Variants in FHIT observed in about 807,000 individuals in gnomAD.
The protein encoded by FHIT is fragile histidine triad diadenosine triphosphatase, also known as bis(5'-adenosyl)-triphosphatase.
FHIT carries 19 observed loss-of-function variants against 17.9 expected under a neutral mutation model. The ratio of observed to expected loss-of-function variants is 1.06; its 90% CI spans 0.74 to 1.56. The LOEUF is 1.56. Among genes scored for constraint, FHIT ranks in the 40% most tolerant of loss-of-function variants. The pLI, the probability that FHIT is intolerant of heterozygous loss-of-function variation, is 0.00. For synonymous variants in FHIT, 81 were observed against 69.7 expected, an observed-to-expected ratio of 1.16 and a Z score of -0.81; for missense variants, 248 against 189.2, an observed-to-expected ratio of 1.31 and a Z score of -1.82.
At chr3:60,557,644 G>C (rs1231637687) in intron 4 of FHIT, among the ~76,000 whole-genome samples, 1 of 151,692 alleles carries the variant, frequency 6.6e-6, no homozygotes, top group African/African-American at 2.4e-5. Context: ...TGACATCAGA[G>C]AAACAAAGTT....
chr3:60,879,667 A>G (rs1704863061), intron 3 of FHIT, among the ~76,000 whole-genome samples: 1 of 152,126 alleles, frequency 6.6e-6, no homozygotes, highest in Non-Finnish European at 1.5e-5. Flanking sequence ...ACAATTCAAC[A>G]AAATCAGAAA....
chr3:60,678,104 C>T (rs1553695895), intron 4 of FHIT, among the ~76,000 whole-genome samples: 2 of 152,140 alleles, frequency 1.3e-5, no homozygotes, highest in Non-Finnish European at 2.9e-5. Flanking sequence ...AAAAAACCAA[C>T]TTTTTGTTTA....
At chr3:60,232,985 A>G (rs547369636) in intron 5 of FHIT, among the ~76,000 whole-genome samples, 19 of 152,282 alleles carry the variant, frequency 1.2e-4, no homozygotes, top group Middle Eastern at 6.8e-3. Flanking sequence ...ATCTATGGTG[A>G]CAAATGACAG....
At chr3:61,064,187 T>C (rs983080135) in intron 2 of FHIT, among the ~76,000 whole-genome samples, 20 of 152,098 alleles carry the variant, frequency 1.3e-4, no homozygotes, top group Non-Finnish European at 2.2e-4. Flanking sequence ...TCGAAAGATA[T>C]CTGCTAAGAG....
chr3:60,411,915 A>T (rs1164942634), intron 5 of FHIT, among the ~76,000 whole-genome samples: 1 of 152,166 alleles, frequency 6.6e-6, no homozygotes, highest in Non-Finnish European at 1.5e-5. Context: ...CTTCTTAGAA[A>T]AGTTAAGTCA....
chr3:60,494,562 T>C (rs2034213503), intron 5 of FHIT, among the ~76,000 whole-genome samples: 2 of 152,096 alleles, frequency 1.3e-5, no homozygotes, highest in Non-Finnish European at 2.9e-5. Context: ...CTAGGTCTTA[T>C]TCATGTTTTC....
chr3:60,106,595 T>C lies in FHIT; in HGVS notation c.104-92443A>G, dbSNP rs573912417. ...TGGGGGTCTTTGATTGTATCCCCTGTGGATAAGGGGGTACTGTTGTATATC... is the reference window on the plus strand; with the variant it reads ...TGGGGGTCTTTGATTGTATCCCCTGCGGATAAGGGGGTACTGTTGTATATC... On this transcript the variant is annotated intron_variant, in intron 5 of 9. Coordinates refer to ENST00000492590, the MANE Select transcript of FHIT (RefSeq NM_002012.4). Among the ~76,000 whole-genome samples, 4 of 152,292 alleles carry C rather than the reference T, an allele frequency of 2.6e-5. No individual in the cohort carries two copies. The East Asian group carries it at 5.8e-4, about 22-fold the overall frequency.
chr3:60,664,051 G>C (rs1430193228), intron 4 of FHIT, among the ~76,000 whole-genome samples: 1 of 152,126 alleles, frequency 6.6e-6, no homozygotes, highest in African/African-American at 2.4e-5. Context: ...AAAGTCATGA[G>C]AGTGAACCTC....
At chr3:60,896,925 C>T (rs146953058) in intron 3 of FHIT, among the ~76,000 whole-genome samples, 199 of 152,256 alleles carry the variant, frequency 1.3e-3, no homozygotes, top group African/African-American at 4.4e-3. Context: ...ATGCTATTCC[C>T]ACCCTGTAGA....
At chr3:60,044,874 T>A (rs538306370) in intron 5 of FHIT, among the ~76,000 whole-genome samples, 1 of 152,156 alleles carries the variant, frequency 6.6e-6, no homozygotes, top group Non-Finnish European at 1.5e-5. Context: ...CCAAGCCCTG[T>A]GAGCACAATG....
chr3:59,912,443 C>T (rs1234871500), intron 8 of FHIT, among the ~76,000 whole-genome samples: 1 of 152,180 alleles, frequency 6.6e-6, no homozygotes, highest in Non-Finnish European at 1.5e-5. Flanking sequence ...ACCAGAGAAG[C>T]CAGCTGAAAT....
chr3:60,953,747 C>A (rs1319888405), intron 3 of FHIT, among the ~76,000 whole-genome samples: 1 of 152,148 alleles, frequency 6.6e-6, no homozygotes, highest in African/African-American at 2.4e-5. Flanking sequence ...ACAAACCAAA[C>A]TTAAAGTGTC....
intron 2 of FHIT, among the ~76,000 whole-genome samples, chr3:61,118,179 A>C (rs2036355655): frequency 6.6e-6 from 1 of 152,192 alleles, no homozygotes; most frequent in Non-Finnish European, 1.5e-5. Context: ...TTATTCAGAA[A>C]AGCTGAAGGC....
chr3:60,442,202 G>A (rs561135612), intron 5 of FHIT, among the ~76,000 whole-genome samples: 1 of 152,008 alleles, frequency 6.6e-6, no homozygotes, highest in South Asian at 2.1e-4. Flanking sequence ...TTTGAAAAGA[G>A]ATGTGATTTC....
At chr3:60,197,308 AAAAAG>A (rs1018963067) in intron 5 of FHIT, among the ~76,000 whole-genome samples, 3 of 152,186 alleles carry the variant, frequency 2.0e-5, no homozygotes, top group South Asian at 4.1e-4. Flanking sequence ...AGCATTAAAA[AAAAAG>A]AAATCTCATT....
chr3:59,770,351 T>C (rs1046573389), intron 8 of FHIT, among the ~76,000 whole-genome samples: 3 of 152,150 alleles, frequency 2.0e-5, no homozygotes, highest in Non-Finnish European at 2.9e-5. Context: ...TTTGTAGAGG[T>C]AATCAGGTTA....
intron 5 of FHIT, among the ~76,000 whole-genome samples, chr3:60,097,704 CTTTT>C (rs983586652): frequency 6.6e-6 from 1 of 150,632 alleles, no homozygotes; most frequent in Admixed American, 6.6e-5. Context: ...TTAATTTTTT[CTTTT>C]TTTTAAAATT....
intron 4 of FHIT, among the ~76,000 whole-genome samples, chr3:60,561,394 T>C (rs1024340705): frequency 1.3e-5 from 2 of 152,000 alleles, no homozygotes; most frequent in African/African-American, 4.8e-5. Context: ...AACCAAGTTA[T>C]AGAAGTGGAG....
chr3:61,200,455 A>G (rs766488186), intron 2 of FHIT, among the ~76,000 whole-genome samples, 162 bp downstream of exon 2: 67 of 152,332 alleles, frequency 4.4e-4, no homozygotes, highest in Middle Eastern at 6.8e-3. Context: ...CTCTCTGCTA[A>G]CTATTGCTCA....
Sources: gnomAD v4.1 joint callset for allele counts (sites outside exome capture counted in the v4.1 genomes callset) on GRCh38, gnomAD v4.1.1 for gene constraint, MANE v1.5 for transcripts, NCBI Gene and HGNC (gene_info 2026-07-23, HGNC 2026-07-21) for gene names.